Variants in ATP8A2 observed in about 807,000 individuals in gnomAD.
The protein encoded by ATP8A2 is ATPase phospholipid transporting 8A2.
Under a neutral mutation model 165.6 loss-of-function variants are expected in ATP8A2, and 100 were observed. That is an observed-to-expected ratio of 0.60 (90% CI 0.51 to 0.71). The LOEUF is 0.71. ATP8A2 is among the 30% of genes least tolerant of loss of function. The pLI is 0.00. For missense variants in ATP8A2, 1,227 were observed against 1,479.5 expected, an observed-to-expected ratio of 0.83 and a Z score of 2.80; for synonymous variants, 543 against 548.8, an observed-to-expected ratio of 0.99 and a Z score of 0.15.
chr13:26,013,083 G>A (rs1404729093), intron 36 of ATP8A2, among the ~76,000 whole-genome samples: 3 of 139,166 alleles, frequency 2.2e-5, no homozygotes, highest in Non-Finnish European at 4.7e-5. Context: ...CCCACCTCCA[G>A]ATTCCAGAGG....
chr13:25,986,783 C>G (rs1956287684), intron 35 of ATP8A2, among the ~76,000 whole-genome samples: 1 of 152,164 alleles, frequency 6.6e-6, no homozygotes, highest in African/African-American at 2.4e-5. Context: ...TGAGGAACCT[C>G]CATACTGTTT....
chr13:25,941,575 G>C (rs1955073592), intron 33 of ATP8A2, among the ~76,000 whole-genome samples: 2 of 152,150 alleles, frequency 1.3e-5, no homozygotes, highest in South Asian at 4.1e-4. Context: ...CTCTGCCCTA[G>C]AAGTATCTCC....
At chr13:25,590,945 C>T (rs1427068782) in intron 24 of ATP8A2, among the ~76,000 whole-genome samples, 5 of 152,086 alleles carry the variant, frequency 3.3e-5, no homozygotes, top group Non-Finnish European at 5.9e-5. Flanking sequence ...GAATTCATCT[C>T]GGTACACCTC....
At chr13:25,545,387 C>G (rs1309655836) in intron 10 of ATP8A2, among the ~76,000 whole-genome samples, 2 of 152,014 alleles carry the variant, frequency 1.3e-5, no homozygotes, top group Non-Finnish European at 2.9e-5. Context: ...CATATGAAGA[C>G]TTTATCTTGA....
At chr13:25,391,237 A>G in intron 1 of ATP8A2, among the ~76,000 whole-genome samples, 1 of 152,162 alleles carries the variant, frequency 6.6e-6, no homozygotes. Context: ...TTTATTATAA[A>G]TGAATCCAGC....
intron 24 of ATP8A2, among the ~76,000 whole-genome samples, chr13:25,660,509 G>C (rs9319229): frequency 6.6e-6 from 1 of 151,976 alleles, no homozygotes; most frequent in African/African-American, 2.4e-5. Context: ...TAAGACAGAA[G>C]AACTTTTTAC....
intron 25 of ATP8A2, among the ~76,000 whole-genome samples, chr13:25,747,133 T>G (rs886502459): frequency 6.6e-6 from 1 of 152,218 alleles, no homozygotes; most frequent in African/African-American, 2.4e-5. Context: ...ATAGCAAATT[T>G]TTGTTTTCCT....
intron 2 of ATP8A2, among the ~76,000 whole-genome samples, chr13:25,504,793 T>C (rs959723695): frequency 6.7e-6 from 1 of 150,200 alleles, no homozygotes; most frequent in Non-Finnish European, 1.5e-5. Flanking sequence ...ACAGAGTCAC[T>C]TTATAGTGTG....
intron 27 of ATP8A2, among the ~76,000 whole-genome samples, chr13:25,821,110 T>G (rs1006069479): frequency 6.6e-6 from 1 of 152,174 alleles, no homozygotes; most frequent in South Asian, 2.1e-4. Flanking sequence ...CTGATAAAAA[T>G]TAGTGCAAAC....
At chr13:25,559,357 A>G (rs2039074975) in intron 14 of ATP8A2, among the ~76,000 whole-genome samples, 1 of 152,022 alleles carries the variant, frequency 6.6e-6, no homozygotes, top group Non-Finnish European at 1.5e-5. Flanking sequence ...ACATGATGAA[A>G]CCTTGTCACT....
chr13:25,760,891 C>T (rs1414429550), intron 25 of ATP8A2, among the ~76,000 whole-genome samples: 1 of 152,118 alleles, frequency 6.6e-6, no homozygotes, highest in East Asian at 1.9e-4. Flanking sequence ...GATACTTATA[C>T]CCTGTTAAAT....
At position 26,022,320 on chromosome 13, in the gene ATP8A2, A is replaced by T. The variant is rs1237411708; in HGVS notation, c.*2335A>T. The T allele has an allele frequency of 6.6e-6, 1 of 152,182 alleles. No homozygotes were observed. The highest frequency in any genetic ancestry group is 1.5e-5 in the Non-Finnish European group (1 of 68,024). The allele number at this position is 152,182 out of a possible 1,614,324, so 9.4% of individuals were successfully genotyped here. On this transcript the variant is annotated 3_prime_UTR_variant, in exon 37 of 37. Coordinates refer to ENST00000381655, the MANE Select transcript of ATP8A2 (RefSeq NM_016529.6). ...TTGGAAAGAGTGGATTAGAAATTGA[A>T]TTCTTTGTCAAACAGTTAGCTCTGT...
chr13:25,974,382 C>T (rs1593653757), intron 35 of ATP8A2, among the ~76,000 whole-genome samples: 1 of 152,098 alleles, frequency 6.6e-6, no homozygotes, highest in East Asian at 1.9e-4. Flanking sequence ...GGGGTGTGCC[C>T]CCTAGTCTGA....
intron 23 of ATP8A2, among the ~76,000 whole-genome samples, chr13:25,583,898 T>C (rs2039846758): frequency 6.6e-6 from 1 of 152,192 alleles, no homozygotes; most frequent in African/African-American, 2.4e-5. Flanking sequence ...TGCTATCTCT[T>C]AATTGATCTT....
In ATP8A2 at chr13:25,773,995, TGA is replaced by T. The variant is rs1328160455; in HGVS notation, c.2569-852_2569-851del. 3.3e-5 allele frequency among the ~76,000 whole-genome samples: 5 copies of T among 152,344 alleles called. No individual in the cohort carries two copies. In the East Asian group the frequency reaches 7.7e-4, roughly 23 times the overall value. On this transcript the variant is annotated intron_variant, in intron 26 of 36. Coordinates refer to ENST00000381655, the MANE Select transcript of ATP8A2 (RefSeq NM_016529.6). The stretch of plus-strand genomic sequence containing the variant: ...TTCTTTTAAACAAGACTGTATTGTG[TGA>T]GTGTCCCTGTCCCTTGCTCTTTTTG...
chr13:25,510,710 C>A (rs1053825250), intron 2 of ATP8A2, among the ~76,000 whole-genome samples: 16 of 152,148 alleles, frequency 1.1e-4, no homozygotes, highest in African/African-American at 3.9e-4. Flanking sequence ...TGAGTAGTTA[C>A]TAGCTCTTTT....
intron 1 of ATP8A2, among the ~76,000 whole-genome samples, chr13:25,395,012 G>A (rs541080435): frequency 6.6e-6 from 1 of 152,282 alleles, no homozygotes; most frequent in Admixed American, 6.5e-5. Context: ...TGTTGAAGTA[G>A]TATGTAAGCT....
At chr13:25,701,899 A>G (rs879605013) in intron 25 of ATP8A2, among the ~76,000 whole-genome samples, 58 of 152,304 alleles carry the variant, frequency 3.8e-4, no homozygotes, top group Non-Finnish European at 8.2e-4. Flanking sequence ...AAATACTGTT[A>G]CAGTCTACAA....
chr13:25,444,908 G>T (rs2035029723), intron 1 of ATP8A2, among the ~76,000 whole-genome samples: 2 of 152,300 alleles, frequency 1.3e-5, no homozygotes, highest in African/African-American at 4.8e-5. Context: ...GAAGTGCTGG[G>T]ATTATAGGTG....
Sources: gnomAD v4.1 joint callset for allele counts (sites outside exome capture counted in the v4.1 genomes callset) on GRCh38, gnomAD v4.1.1 for gene constraint, MANE v1.5 for transcripts, NCBI Gene and HGNC (gene_info 2026-07-23, HGNC 2026-07-21) for gene names.